Variants in DNAJC5 observed in about 807,000 individuals in gnomAD.
DNAJC5 encodes dnaJ homolog subfamily C member 5.
DNAJC5 carries 1 observed loss-of-function variant against 23.2 expected under a neutral mutation model. The ratio of observed to expected loss-of-function variants is 0.04; its 90% CI spans 0.02 to 0.20. The LOEUF (loss-of-function observed/expected upper bound fraction) is 0.20, where lower values mean the gene tolerates loss of function less well. Among genes scored for constraint, DNAJC5 ranks in the 10% least tolerant of loss-of-function variants. The probability of loss-of-function intolerance (pLI) is 1.00; values close to 1 mark genes in which losing one functional copy is unlikely to be tolerated. For missense variants in DNAJC5, 180 were observed against 267.0 expected, an observed-to-expected ratio of 0.67 and a Z score of 2.27; for synonymous variants, 136 against 120.0, an observed-to-expected ratio of 1.13 and a Z score of -0.87.
Position 63,910,530 on chromosome 20 carries a change from G to A in DNAJC5, c.-12+15207G>A, listed in dbSNP as rs1161296980. ...TGCACTCCAGCCTGGGCAACAGAGCGAGACTCCCTCTCGAAAAAAAAAAGT... is the reference window on the plus strand; with the variant it reads ...TGCACTCCAGCCTGGGCAACAGAGCAAGACTCCCTCTCGAAAAAAAAAAGT... On this transcript the variant is annotated intron_variant, in intron 1 of 4. Coordinates refer to ENST00000360864, the MANE Select transcript of DNAJC5 (RefSeq NM_025219.3). Among the ~76,000 whole-genome samples the A allele has an allele frequency of 5.3e-5, 8 of 150,792 alleles. No individual in the cohort carries two copies. In the South Asian group the frequency reaches 6.4e-4, roughly 12 times the overall value.
At chr20:63,906,016 G>A (rs2053446336) in intron 1 of DNAJC5, among the ~76,000 whole-genome samples, 2 of 152,052 alleles carry the variant, frequency 1.3e-5, no homozygotes, top group South Asian at 4.1e-4. Flanking sequence ...ACAGGCGTGA[G>A]CCACTATGCC....
intron 1 of DNAJC5, among the ~76,000 whole-genome samples, chr20:63,916,783 A>G (rs2146286637): frequency 6.6e-6 from 1 of 152,320 alleles, no homozygotes; most frequent in Non-Finnish European, 1.5e-5. Flanking sequence ...CCAGGAATGC[A>G]TTCCTTTCCC....
chr20:63,914,607 G>A (rs888440886), intron 1 of DNAJC5, among the ~76,000 whole-genome samples: 13 of 141,312 alleles, frequency 9.2e-5, no homozygotes, highest in Admixed American at 2.9e-4. Flanking sequence ...ATGAACCACC[G>A]TGCCCGGCCT....
At chr20:63,912,906 G>A (rs917294858) in intron 1 of DNAJC5, among the ~76,000 whole-genome samples, 7 of 152,122 alleles carry the variant, frequency 4.6e-5, no homozygotes, top group Non-Finnish European at 8.8e-5. Context: ...GTGCCCGGCC[G>A]GCAGTCAGTT....
chr20:63,911,973 C>T (rs2244283), intron 1 of DNAJC5, among the ~76,000 whole-genome samples: 39 of 152,036 alleles, frequency 2.6e-4, no homozygotes, highest in Non-Finnish European at 4.4e-4. Context: ...CTGCCATGGC[C>T]GGCTGGAAAG....
At chr20:63,912,416 A>G (rs886328371) in intron 1 of DNAJC5, among the ~76,000 whole-genome samples, 3 of 152,122 alleles carry the variant, frequency 2.0e-5, no homozygotes, top group Non-Finnish European at 2.9e-5. Flanking sequence ...ATGTATTTAC[A>G]GAGTTAATTG....
intron 1 of DNAJC5, among the ~76,000 whole-genome samples, chr20:63,924,492 C>T (rs183177211): frequency 9.2e-5 from 14 of 152,294 alleles, no homozygotes; most frequent in Admixed American, 3.3e-4. Context: ...GCTCAGCCAT[C>T]CTCTTATCTC....
At chr20:63,924,530 C>CA (rs1307934686) in intron 1 of DNAJC5, among the ~76,000 whole-genome samples, 1 of 152,154 alleles carries the variant, frequency 6.6e-6, no homozygotes, top group Non-Finnish European at 1.5e-5. Context: ...GGACCACAGA[C>CA]ATGAGCCACC....
At chr20:63,895,758 T>C (rs568881855) in intron 1 of DNAJC5, among the ~76,000 whole-genome samples, 10 of 152,358 alleles carry the variant, frequency 6.6e-5, no homozygotes, top group African/African-American at 2.4e-4. Context: ...TCGTTGTGTT[T>C]ATAGCTCGGG....
rs2053640032 is a variant in DNAJC5 at position 63,929,162 on chromosome 20, C to T, written c.108-150C>T. ...GCGGAGCTTGCTTTTGTCCCTGGCC[C>T]CTGCAGCCCTGGAGAGTCGGACAGT... On this transcript the variant is annotated intron_variant, in intron 2 of 4. Transcript: ENST00000360864. This position sits in a 1 kb window ranked among gnomAD's most constrained non-coding sequence, Gnocchi z 8.6. 3.2e-6 allele frequency: 3 copies of T among 925,406 alleles called. No individual in the cohort carries two copies. Among genetic ancestry groups the T allele is most frequent in the African/African-American group, 1.6e-5 (1 of 60,910 alleles). 57.3% of individuals were successfully genotyped at this position (925,406 alleles called of 1,614,324 possible).
intron 1 of DNAJC5, among the ~76,000 whole-genome samples, chr20:63,905,807 T>C (rs1373342751): frequency 1.3e-5 from 2 of 151,688 alleles, no homozygotes. Context: ...CCATCTTGGC[T>C]CACTGCAACC....
At chr20:63,903,023 A>T (rs1354528317) in intron 1 of DNAJC5, among the ~76,000 whole-genome samples, 1 of 150,394 alleles carries the variant, frequency 6.6e-6, no homozygotes, top group Non-Finnish European at 1.5e-5. Context: ...CTCTCACCCA[A>T]GTTAGAGAGG....
At chr20:63,913,375 C>G (rs1275508386) in intron 1 of DNAJC5, among the ~76,000 whole-genome samples, 7 of 151,846 alleles carry the variant, frequency 4.6e-5, no homozygotes, top group African/African-American at 7.3e-5. Context: ...TCCAGGGTTC[C>G]TAACAGCCTG....
intron 1 of DNAJC5, among the ~76,000 whole-genome samples, chr20:63,905,111 T>C (rs953615695): frequency 2.0e-5 from 3 of 150,274 alleles, no homozygotes; most frequent in Non-Finnish European, 4.4e-5. Flanking sequence ...GCTTTTTTTT[T>C]TTTTTCCTGT....
chr20:63,895,420 A>G (rs1486330188), intron 1 of DNAJC5, 97 bp downstream of exon 1: 1 of 144,944 alleles, frequency 6.9e-6, no homozygotes, highest in Non-Finnish European at 1.5e-5. Flanking sequence ...GGCACTCCAG[A>G]GCCGGAAATG....
chr20:63,919,233 G>A lies in DNAJC5; in HGVS notation c.-11-9102G>A, dbSNP rs182643392. 3.2e-4 allele frequency among the ~76,000 whole-genome samples: 49 copies of A among 152,358 alleles called. No individual in the cohort carries two copies. The East Asian group carries it at 8.9e-3, about 28-fold the overall frequency. ...GGGACCTGCTAAACTGCAAGCTGCC[G>A]CAGGCGGAGATTTTTGCCTGTTTGG... is the stretch of plus-strand genomic sequence containing the variant. On this transcript the variant is annotated intron_variant, in intron 1 of 4. Coordinates refer to ENST00000360864, the MANE Select transcript of DNAJC5 (RefSeq NM_025219.3).
intron 1 of DNAJC5, among the ~76,000 whole-genome samples, chr20:63,912,303 CAAA>C (rs1053866580): frequency 3.2e-5 from 3 of 92,350 alleles, no homozygotes; most frequent in Non-Finnish European, 4.7e-5. Flanking sequence ...AATCGGTCTC[CAAA>C]AAAAAAAAAA....
In DNAJC5 at chr20:63,932,530, A is replaced by T. The variant is rs955011453; in HGVS notation, c.*962A>T. 3 of 152,638 alleles carry T rather than the reference A, an allele frequency of 2.0e-5. No homozygotes were observed. The highest frequency in any genetic ancestry group is 2.9e-5 in the Non-Finnish European group (2 of 68,076). The allele number at this position is 152,638 out of a possible 1,614,324, so 9.5% of individuals were successfully genotyped here. ...TGATAGGACCAGCCCAATGAGCCACAGTCAGAGAGTAGATTGTGCATGTGT... is the reference window on the plus strand; with the variant it reads ...TGATAGGACCAGCCCAATGAGCCACTGTCAGAGAGTAGATTGTGCATGTGT... On this transcript the variant is annotated 3_prime_UTR_variant, in exon 5 of 5. Transcript: ENST00000360864. This position sits in a 1 kb window ranked among gnomAD's most constrained non-coding sequence, Gnocchi z 4.4.
In DNAJC5 at chr20:63,931,806, A is replaced by G; in HGVS notation, c.*238A>G. ...TTTTTTCCCTTTTTTAATAGCATGT[A>G]TGGGGTTCTGTTCCATGTCTGTGTT... On this transcript the variant is annotated 3_prime_UTR_variant, in exon 5 of 5. Coordinates refer to ENST00000360864, the MANE Select transcript of DNAJC5 (RefSeq NM_025219.3). This position sits in a 1 kb window ranked among gnomAD's most constrained non-coding sequence, Gnocchi z 9.6. 5.2e-6 allele frequency: 3 copies of G among 573,314 alleles called. No individual in the cohort carries two copies. Among genetic ancestry groups the G allele is most frequent in the South Asian group, 1.9e-5 (1 of 52,524 alleles). The allele number at this position is 573,314 out of a possible 1,614,324, so 35.5% of individuals were successfully genotyped here.
Sources: gnomAD v4.1 joint callset for allele counts (sites outside exome capture counted in the v4.1 genomes callset) on GRCh38, gnomAD v4.1.1 for gene constraint, Gnocchi (gnomAD v3.1) non-coding constraint, MANE v1.5 for transcripts, NCBI Gene and HGNC (gene_info 2026-07-23, HGNC 2026-07-21) for gene names.